Variants in THSD7B observed in about 807,000 individuals in gnomAD.
The protein encoded by THSD7B is thrombospondin type 1 domain containing 7B.
Under a neutral mutation model 213.6 loss-of-function variants are expected in THSD7B, and 138 were observed. The ratio of observed to expected loss-of-function variants is 0.65; its 90% CI spans 0.56 to 0.74. The LOEUF (loss-of-function observed/expected upper bound fraction) is 0.74, where lower values mean the gene tolerates loss of function less well. Among genes scored for constraint, THSD7B ranks in the 30% least tolerant of loss-of-function variants. The probability of loss-of-function intolerance (pLI) is 0.00; values close to 1 mark genes in which losing one functional copy is unlikely to be tolerated. For synonymous variants in THSD7B, 742 were observed against 687.0 expected (o/e 1.08, Z -1.25); for missense variants, 1,931 against 1,991.5 (o/e 0.97, Z 0.58).
At chr2:137,062,128 A>T (rs923820214) in intron 3 of THSD7B, among the ~76,000 whole-genome samples, 6 of 151,760 alleles carry the variant, frequency 4.0e-5, no homozygotes, top group Admixed American at 6.6e-5. Context: ...ATTTAGGGAC[A>T]TAGAGTTGTT....
intron 5 of THSD7B, among the ~76,000 whole-genome samples, chr2:137,149,541 A>G (rs1679772864): frequency 6.6e-6 from 1 of 152,178 alleles, no homozygotes; most frequent in African/African-American, 2.4e-5. Flanking sequence ...CCACACTGTG[A>G]GGGCAGCCAG....
chr2:137,481,951 G>A (rs1317376752), intron 15 of THSD7B, among the ~76,000 whole-genome samples: 2 of 152,166 alleles, frequency 1.3e-5, no homozygotes, highest in Non-Finnish European at 2.9e-5. Context: ...GCCAAGGCAG[G>A]CGGATCACGA....
chr2:137,656,269 T>A (rs1683234761), intron 22 of THSD7B, among the ~76,000 whole-genome samples: 1 of 152,038 alleles, frequency 6.6e-6, no homozygotes, highest in African/African-American at 2.4e-5. Flanking sequence ...TACACACATA[T>A]GTATTACAAA....
intron 17 of THSD7B, among the ~76,000 whole-genome samples, chr2:137,612,221 T>C (rs1682302642): frequency 6.6e-6 from 1 of 152,168 alleles, no homozygotes; most frequent in Admixed American, 6.5e-5. Context: ...ATTATAATGG[T>C]TCAAATGCAA....
chr2:137,136,152 G>C (rs1897415), intron 5 of THSD7B, among the ~76,000 whole-genome samples: 101,437 of 151,918 alleles, frequency 0.67, 35,811 homozygotes, highest in Non-Finnish European at 0.78. Flanking sequence ...CTGCTGGGGG[G>C]TGAGGGGGCA....
intron 3 of THSD7B, among the ~76,000 whole-genome samples, chr2:137,060,734 G>C (rs184772670): frequency 6.6e-6 from 1 of 151,886 alleles, no homozygotes; most frequent in Admixed American, 6.6e-5. Context: ...TTATTTGTTA[G>C]TAACACAATG....
At chr2:137,579,517 T>TGCACACACACACGCGCGTGC (rs1462595102) in intron 17 of THSD7B, among the ~76,000 whole-genome samples, 2 of 150,138 alleles carry the variant, frequency 1.3e-5, no homozygotes, top group African/African-American at 4.9e-5. Context: ...CGTGAGTACA[T>TGCACACACACACGCGCGTGC]GCACACACAC....
At chr2:137,016,691 A>C (rs1686349143) in intron 2 of THSD7B, among the ~76,000 whole-genome samples, 1 of 152,200 alleles carries the variant, frequency 6.6e-6, no homozygotes, top group African/African-American at 2.4e-5. Context: ...ATTAAATGGT[A>C]TGTGAAGAAT....
intron 3 of THSD7B, among the ~76,000 whole-genome samples, chr2:137,059,454 G>T (rs929713759): frequency 5.3e-5 from 8 of 152,168 alleles, no homozygotes; most frequent in African/African-American, 1.9e-4. Context: ...AATGAATAAT[G>T]ACATGGATCC....
chr2:137,057,419 G>A (rs922734089), intron 3 of THSD7B, among the ~76,000 whole-genome samples, 189 bp downstream of exon 3: 1 of 152,088 alleles, frequency 6.6e-6, no homozygotes, highest in Non-Finnish European at 1.5e-5. Flanking sequence ...TTTAGACCAA[G>A]CAGTGTTCTA....
At chr2:137,449,297 G>C (rs1045218631) in intron 14 of THSD7B, among the ~76,000 whole-genome samples, 4 of 152,194 alleles carry the variant, frequency 2.6e-5, no homozygotes, top group African/African-American at 9.7e-5. Flanking sequence ...TGTTTGTGTA[G>C]AATGATGAAG....
intron 15 of THSD7B, among the ~76,000 whole-genome samples, chr2:137,475,893 T>C (rs926295187): frequency 6.6e-6 from 1 of 152,220 alleles, no homozygotes; most frequent in Non-Finnish European, 1.5e-5. Context: ...GAAATCTCCA[T>C]ATCGTTTTCC....
chr2:137,479,972 A>G (rs749092985), intron 15 of THSD7B, among the ~76,000 whole-genome samples: 1 of 152,178 alleles, frequency 6.6e-6, no homozygotes, highest in Non-Finnish European at 1.5e-5. Context: ...CTAGGATTGC[A>G]GGAGTTCACA....
At chr2:137,630,538 T>C (rs570547037) in intron 20 of THSD7B, among the ~76,000 whole-genome samples, 1 of 152,312 alleles carries the variant, frequency 6.6e-6, no homozygotes, top group African/African-American at 2.4e-5. Flanking sequence ...AAGATAATTC[T>C]GTATTTAAAT....
intron 2 of THSD7B, among the ~76,000 whole-genome samples, chr2:136,905,462 C>A (rs1300222409): frequency 2.6e-5 from 4 of 152,104 alleles, no homozygotes; most frequent in Admixed American, 6.5e-5. Flanking sequence ...TTGTTTTGAA[C>A]AATGGAAAAG....
At chr2:137,605,219 A>G (rs1245151857) in intron 17 of THSD7B, among the ~76,000 whole-genome samples, 1 of 152,184 alleles carries the variant, frequency 6.6e-6, no homozygotes, top group Non-Finnish European at 1.5e-5. Context: ...ATTGTGGAAA[A>G]TAAGTTTAAG....
chr2:136,877,527 A>T (rs1442049665), intron 1 of THSD7B, among the ~76,000 whole-genome samples: 1 of 152,144 alleles, frequency 6.6e-6, no homozygotes, highest in African/African-American at 2.4e-5. Flanking sequence ...GCAGTGTAGA[A>T]ATTTGAAGAA....
At chr2:137,369,132 A>AG (rs1248130823) in intron 12 of THSD7B, among the ~76,000 whole-genome samples, 440 of 7,794 alleles carry the variant, frequency 0.056, 10 homozygotes, top group Admixed American at 0.27. Flanking sequence ...TGTTGTTTGG[A>AG]GGGGGGGCGG....
intron 1 of THSD7B, among the ~76,000 whole-genome samples, chr2:136,823,092 AGTTG>A (rs1233800178): frequency 3.9e-5 from 6 of 152,214 alleles, no homozygotes; most frequent in African/African-American, 1.4e-4. Context: ...CTTTCTGGTT[AGTTG>A]GTTGGTTATT....
Sources: allele counts gnomAD v4.1 joint callset (sites outside exome capture counted in the v4.1 genomes callset), GRCh38; gene constraint gnomAD v4.1.1; transcripts MANE v1.5; gene names NCBI Gene and HGNC (gene_info 2026-07-23, HGNC 2026-07-21).